Variants in BFSP2 observed in about 807,000 individuals in gnomAD.
BFSP2 encodes beaded filament structural protein 2, also known as phakinin.
A neutral mutation model predicts 44.9 loss-of-function variants in BFSP2; 38 were observed. That is an observed-to-expected ratio of 0.85 (90% CI 0.65 to 1.11). The LOEUF (loss-of-function observed/expected upper bound fraction) is 1.11. Among genes scored for constraint, BFSP2 ranks in the 50% least tolerant of loss-of-function variants. The pLI is 0.00. For synonymous variants in BFSP2, 197 were observed against 209.9 expected (o/e 0.94, Z 0.53); for missense variants, 525 against 533.0 (o/e 0.99, Z 0.15).
At chr3:133,464,511 T>A (rs1280325749) in intron 4 of BFSP2, among the ~76,000 whole-genome samples, 1 of 152,272 alleles carries the variant, frequency 6.6e-6, no homozygotes. Context: ...ATATTCTTTA[T>A]TATTAGTAGT....
At chr3:133,468,963 C>A (rs568675962) in intron 5 of BFSP2, among the ~76,000 whole-genome samples, 13 of 152,292 alleles carry the variant, frequency 8.5e-5, no homozygotes, top group African/African-American at 3.1e-4. Flanking sequence ...AGTGAGCAGT[C>A]AATAAATGCC....
At chr3:133,436,017 A>T (rs935388119) in intron 1 of BFSP2, among the ~76,000 whole-genome samples, 15 of 152,138 alleles carry the variant, frequency 9.9e-5, no homozygotes, top group African/African-American at 2.9e-4. Context: ...CTGATTCTGA[A>T]CTATTCTGTT....
chr3:133,411,812 C>T (rs1007757447), intron 1 of BFSP2, among the ~76,000 whole-genome samples: 3 of 151,884 alleles, frequency 2.0e-5, no homozygotes, highest in African/African-American at 2.4e-5. Context: ...AGACAAAAGA[C>T]CCAATTTTTT....
intron 1 of BFSP2, among the ~76,000 whole-genome samples, chr3:133,443,780 C>T (rs2073867870): frequency 6.6e-6 from 1 of 152,166 alleles, no homozygotes; most frequent in Non-Finnish European, 1.5e-5. Context: ...TTCCCAGGAG[C>T]TCAGTCTTAC....
At chr3:133,425,304 C>G (rs1400221967) in intron 1 of BFSP2, among the ~76,000 whole-genome samples, 2 of 152,246 alleles carry the variant, frequency 1.3e-5, no homozygotes, top group Non-Finnish European at 2.9e-5. Flanking sequence ...AATCCACACA[C>G]TGGTCCATCC....
intron 1 of BFSP2, among the ~76,000 whole-genome samples, chr3:133,411,180 G>GAA (rs10599643): frequency 7.7e-6 from 1 of 129,504 alleles, no homozygotes. Context: ...GTATAACACC[G>GAA]AAAAAAAAAA....
chr3:133,414,513 C>A, intron 1 of BFSP2, among the ~76,000 whole-genome samples: 1 of 78,462 alleles, frequency 1.3e-5, no homozygotes, highest in Non-Finnish European at 2.5e-5. Flanking sequence ...ACTCACCCCT[C>A]TACCTGCCCC....
intron 1 of BFSP2, among the ~76,000 whole-genome samples, chr3:133,435,727 A>C (rs2073774125): frequency 6.6e-6 from 1 of 152,222 alleles, no homozygotes; most frequent in African/African-American, 2.4e-5. Context: ...GGGCATGTAC[A>C]AGATGAATTT....
Position 133,441,194 on chromosome 3 carries a change from C to T in BFSP2, c.490-6123C>T, listed in dbSNP as rs564059402. Among the ~76,000 whole-genome samples, 5 of 152,144 alleles carry T rather than the reference C, an allele frequency of 3.3e-5. No individual in the cohort carries two copies. In the East Asian group the frequency reaches 7.7e-4, roughly 24 times the overall value. ...AGCTGGGATTACAGGCACACCCACG[C>T]CGGGCTAATTTTTGTATTTTTAGTA... On this transcript the variant is annotated intron_variant, in intron 1 of 6. Coordinates refer to ENST00000302334, the MANE Select transcript of BFSP2 (RefSeq NM_003571.4).
Position 133,448,652 on chromosome 3 carries a change from G to A in BFSP2, c.729+7G>A, listed in dbSNP as rs2859678. 3.1e-6 allele frequency: 5 copies of A among 1,613,250 alleles called. No individual in the cohort carries two copies. Among genetic ancestry groups the A allele is most frequent in the African/African-American group, 1.3e-5 (1 of 74,918 alleles). On this transcript the variant is annotated splice_region_variant and intron_variant, in intron 3 of 6. Transcript: ENST00000302334. ...ATCAAGAAACTATGAAGAGGTAGGA[G>A]GGGGCTGGGGTTGCTGGGTTGGCCA...
At chr3:133,474,928 T>C (rs756686561) in intron 6 of BFSP2, 41 bp from the exon 7 acceptor site, 1 of 1,613,220 alleles carries the variant, frequency 6.2e-7, no homozygotes, top group African/African-American at 1.3e-5. Flanking sequence ...TGACCGATTT[T>C]CCTCACCCAT....
chr3:133,435,289 A>G (rs997155486), intron 1 of BFSP2, among the ~76,000 whole-genome samples: 3 of 152,176 alleles, frequency 2.0e-5, no homozygotes, highest in Non-Finnish European at 4.4e-5. Context: ...CTCTTATAAT[A>G]AGCAGATGTT....
At chr3:133,403,247 G>C (rs965989384) in intron 1 of BFSP2, among the ~76,000 whole-genome samples, 4 of 152,108 alleles carry the variant, frequency 2.6e-5, no homozygotes, top group Non-Finnish European at 1.5e-5. Context: ...CCCTCACTTA[G>C]GCCACTCTGG....
rs528058924 is a variant in BFSP2 at position 133,430,486 on chromosome 3, T to C, written c.490-16831T>C. Reference sequence around the variant, plus strand: ...GATGGTATCTCATTGTGGTTTTGATTTGCATTTCTCTGATTTTCTTCTGCA... The same window carrying C: ...GATGGTATCTCATTGTGGTTTTGATCTGCATTTCTCTGATTTTCTTCTGCA... On this transcript the variant is annotated intron_variant, in intron 1 of 6. Transcript: ENST00000302334. Among the ~76,000 whole-genome samples, 3 of 152,266 alleles carry C rather than the reference T, an allele frequency of 2.0e-5. No homozygotes were observed. In the South Asian group the frequency reaches 6.2e-4, roughly 32 times the overall value.
chr3:133,410,779 T>G (rs906401761), intron 1 of BFSP2: 1 of 210,136 alleles, frequency 4.8e-6, no homozygotes, highest in Non-Finnish European at 1.1e-5. Flanking sequence ...ACAAATGAGC[T>G]GCAGCCCAGC....
intron 1 of BFSP2, among the ~76,000 whole-genome samples, chr3:133,433,814 A>G (rs2073753667): frequency 6.6e-6 from 1 of 152,336 alleles, no homozygotes; most frequent in South Asian, 2.1e-4. Context: ...AGGACTGAAC[A>G]ATACTTTTAC....
chr3:133,417,194 CT>C (rs759266436), intron 1 of BFSP2, among the ~76,000 whole-genome samples: 35 of 139,882 alleles, frequency 2.5e-4, no homozygotes, highest in Non-Finnish European at 4.5e-4. Flanking sequence ...CTATCCACCC[CT>C]CTAGTCACCC....
chr3:133,440,963 G>A (rs2073839317), intron 1 of BFSP2, among the ~76,000 whole-genome samples: 1 of 151,782 alleles, frequency 6.6e-6, no homozygotes, highest in African/African-American at 2.4e-5. Context: ...GTGCTTGTGA[G>A]TGAACTGTCT....
intron 4 of BFSP2, among the ~76,000 whole-genome samples, chr3:133,453,799 A>G (rs926563545): frequency 6.6e-6 from 1 of 152,268 alleles, no homozygotes; most frequent in African/African-American, 2.4e-5. Flanking sequence ...AGCATCTGCT[A>G]GAACTTATCT....
Sources: gnomAD v4.1 joint callset for allele counts (sites outside exome capture counted in the v4.1 genomes callset) on GRCh38, gnomAD v4.1.1 for gene constraint, MANE v1.5 for transcripts, NCBI Gene and HGNC (gene_info 2026-07-23, HGNC 2026-07-21) for gene names.